The following DAP variants were observed in gnomAD, a reference collection of about 807,000 sequenced individuals.
DAP encodes death-associated protein 1.
Under a neutral mutation model 13.8 loss-of-function variants are expected in DAP, and 8 were observed. The ratio of observed to expected loss-of-function variants is 0.58; its 90% confidence interval spans 0.34 to 1.05. The LOEUF (loss-of-function observed/expected upper bound fraction) is 1.05, where lower values mean the gene tolerates loss of function less well. DAP is among the 50% of genes least tolerant of loss of function. The pLI is 0.03. For synonymous variants in DAP, 47 were observed against 47.5 expected (o/e 0.99, Z 0.04); for missense variants, 106 against 133.2 (o/e 0.80, Z 1.01).
chr5:10,709,518 C>T (rs1375238555), intron 2 of DAP, among the ~76,000 whole-genome samples: 6 of 152,186 alleles, frequency 3.9e-5, no homozygotes, highest in African/African-American at 1.2e-4. Context: ...TTCAAAACAT[C>T]CCACTGCACT....
chr5:10,694,897 A>C (rs1203709346), intron 2 of DAP, among the ~76,000 whole-genome samples: 2 of 152,168 alleles, frequency 1.3e-5, no homozygotes, highest in Admixed American at 1.3e-4. Context: ...TCTTGTTTTG[A>C]CTCTGCTCAG....
chr5:10,711,022 AG>A (rs1435797885), intron 2 of DAP, among the ~76,000 whole-genome samples: 1 of 152,252 alleles, frequency 6.6e-6, no homozygotes, highest in Non-Finnish European at 1.5e-5. Flanking sequence ...AAGGCAGTGC[AG>A]CTAATAAATA....
At chr5:10,760,005 T>C (rs2930062) in intron 1 of DAP, among the ~76,000 whole-genome samples, 41,938 of 151,866 alleles carry the variant, frequency 0.28, 6,078 homozygotes, top group Middle Eastern at 0.37. Flanking sequence ...TCCACCCTCC[T>C]TGGCCTCCCA....
intron 1 of DAP, among the ~76,000 whole-genome samples, chr5:10,756,440 T>C (rs1740183994): frequency 1.3e-5 from 2 of 152,230 alleles, no homozygotes; most frequent in South Asian, 4.1e-4. Flanking sequence ...CACTAGACTT[T>C]TGAAAGGCAT....
At chr5:10,683,676 G>A in intron 2 of DAP, 105 bp from the exon 3 acceptor site, 1 of 1,057,910 alleles carries the variant, frequency 9.5e-7, no homozygotes, top group Non-Finnish European at 1.5e-6. Flanking sequence ...AGGGCGTGGA[G>A]GCAGAATGGG....
intron 2 of DAP, among the ~76,000 whole-genome samples, chr5:10,696,334 G>C (rs1055285160): frequency 6.6e-6 from 1 of 152,202 alleles, no homozygotes; most frequent in Non-Finnish European, 1.5e-5. Flanking sequence ...GGGAATAGGG[G>C]GTGTGGCGGG....
chr5:10,733,143 A>G (rs2126668147), intron 2 of DAP, among the ~76,000 whole-genome samples: 1 of 149,128 alleles, frequency 6.7e-6, no homozygotes. Context: ...TTAAGGTTGA[A>G]TAATATTCCT....
intron 2 of DAP, among the ~76,000 whole-genome samples, chr5:10,731,552 T>C (rs1443082999): frequency 6.6e-6 from 1 of 152,184 alleles, no homozygotes; most frequent in Admixed American, 6.5e-5. Flanking sequence ...GGCCACCTGC[T>C]CATCCCCACT....
At chr5:10,760,769 C>T (rs1257155268) in intron 1 of DAP, among the ~76,000 whole-genome samples, 1 of 152,180 alleles carries the variant, frequency 6.6e-6, no homozygotes, top group Non-Finnish European at 1.5e-5. Flanking sequence ...AGGTACGCGG[C>T]CGCCCGCGGT....
intron 2 of DAP, among the ~76,000 whole-genome samples, chr5:10,688,631 G>GT (rs143011175): frequency 1.8e-3 from 274 of 151,926 alleles, no homozygotes; most frequent in African/African-American, 6.4e-3. Flanking sequence ...TTGTACTTCT[G>GT]TATTACTGTA....
At chr5:10,734,965 G>A (rs984359989) in intron 2 of DAP, among the ~76,000 whole-genome samples, 3 of 152,178 alleles carry the variant, frequency 2.0e-5, no homozygotes, top group Admixed American at 2.0e-4. Context: ...AGCTCCCAGG[G>A]AAGCCGTGGG....
Position 10,710,026 on chromosome 5 carries a change from G to A in DAP, c.153-26455C>T, listed in dbSNP as rs545095121. Reference sequence around the variant, plus strand: ...ATGCTGGCGCTGCTCGAGGCTGATTGCCAGGCTCTGTGATGAGGGAGAAGT... The same window carrying A: ...ATGCTGGCGCTGCTCGAGGCTGATTACCAGGCTCTGTGATGAGGGAGAAGT... On this transcript the variant is annotated intron_variant, in intron 2 of 3. Coordinates refer to ENST00000230895, the MANE Select transcript of DAP (RefSeq NM_004394.3). Among the ~76,000 whole-genome samples, 9 of 152,330 alleles carry A rather than the reference G, an allele frequency of 5.9e-5. No individual in the cohort carries two copies. The South Asian group carries it at 1.9e-3, about 32-fold the overall frequency.
rs931731702 is a variant in DAP, at chr5:10,680,546, G to A, written c.*510C>T. ...AGGATCCCCCATCTCACGAGAGAGG[G>A]AAATTTGGCATTGCTGTTCCCTGCC... On this transcript the variant is annotated 3_prime_UTR_variant, in exon 4 of 4. Coordinates refer to ENST00000230895, the MANE Select transcript of DAP (RefSeq NM_004394.3). The A allele has an allele frequency of 1.6e-6, 1 of 624,130 alleles. No homozygotes were observed. The highest frequency in any genetic ancestry group is 1.8e-5 in the African/African-American group (1 of 54,344). The allele number at this position is 624,130 out of a possible 1,614,324, so 38.7% of individuals were successfully genotyped here. A position where few individuals can be genotyped will look rare whatever the true frequency, so the allele number is the denominator to read the frequency against.
intron 1 of DAP, among the ~76,000 whole-genome samples, chr5:10,750,538 A>G (rs142462413): frequency 3.9e-5 from 6 of 152,376 alleles, no homozygotes; most frequent in East Asian, 1.9e-4. Context: ...AATCCTGTTC[A>G]GTAATCCTCT....
chr5:10,692,902 T>C (rs1209843105), intron 2 of DAP, among the ~76,000 whole-genome samples: 3 of 152,148 alleles, frequency 2.0e-5, no homozygotes, highest in African/African-American at 7.2e-5. Context: ...CCACAGCTAG[T>C]TTTGTGGGGT....
At chr5:10,751,294 A>T (rs1030452936) in intron 1 of DAP, among the ~76,000 whole-genome samples, 1 of 152,184 alleles carries the variant, frequency 6.6e-6, no homozygotes, top group African/African-American at 2.4e-5. Flanking sequence ...AAGACCTACC[A>T]TTTGCAGGCA....
chr5:10,694,490 G>A (rs536863583), intron 2 of DAP, among the ~76,000 whole-genome samples: 227 of 152,172 alleles, frequency 1.5e-3, no homozygotes, highest in Admixed American at 2.0e-3. Flanking sequence ...GCTGCCTGGC[G>A]GGCTCTGTGC....
intron 2 of DAP, among the ~76,000 whole-genome samples, chr5:10,701,069 G>A (rs936274125): frequency 1.3e-5 from 2 of 152,222 alleles, no homozygotes; most frequent in African/African-American, 4.8e-5. Context: ...CCCACAGAGA[G>A]GTGAACACCC....
At chr5:10,727,241 C>A (rs1739311387) in intron 2 of DAP, among the ~76,000 whole-genome samples, 1 of 152,122 alleles carries the variant, frequency 6.6e-6, no homozygotes, top group Non-Finnish European at 1.5e-5. Context: ...ACACAGCAGG[C>A]AACAGTACCT....
Sources: gnomAD v4.1 joint callset for allele counts (sites outside exome capture counted in the v4.1 genomes callset) on GRCh38, gnomAD v4.1.1 for gene constraint, MANE v1.5 for transcripts, NCBI Gene and HGNC (gene_info 2026-07-23, HGNC 2026-07-21) for gene names.